SDCBP2: variants seen among roughly 807,000 people sequenced by gnomAD.
The protein encoded by SDCBP2 is syntenin-2.
In SDCBP2, 28 loss-of-function variants were observed where a neutral mutation model predicts 30.7. That is an observed-to-expected ratio of 0.91 (90% confidence interval 0.68 to 1.25). The LOEUF is 1.25. Among genes scored for constraint, SDCBP2 ranks in the 50% most tolerant of loss-of-function variants. The pLI, the probability that SDCBP2 is intolerant of heterozygous loss-of-function variation, is 0.00. For synonymous variants in SDCBP2, 166 were observed against 157.3 expected (o/e 1.06, Z -0.41); for missense variants, 399 against 379.0 (o/e 1.05, Z -0.44).
rs140879225 is a variant in SDCBP2 at position 1,312,652 on chromosome 20, C to T, written c.495G>A (p.Ser165=). The change falls in exon 6 of 9, where the codon TCG becomes TCA. Residue 165 remains serine (S), a synonymous_variant. Transcript: ENST00000360779. Reference sequence around the variant, plus strand: ...TCTTCACCACCTGATGGGCTTTGTGCGAGCTCCACCCAGCACAGTCACGCC... The same window carrying T: ...TCTTCACCACCTGATGGGCTTTGTGTGAGCTCCACCCAGCACAGTCACGCC... ...IDGRDCAGWS[S]HKAHQVVKKA... 5.2e-5 allele frequency: 84 copies of T among 1,614,012 alleles called. No homozygotes were observed. The African/African-American group carries it at 6.5e-4, about 13-fold the overall frequency.
At position 1,318,382 on chromosome 20, in the gene SDCBP2, A is replaced by G. The variant is rs1266991904; in HGVS notation, c.161T>C (p.Met54Thr). The change falls in exon 4 of 9, where the codon ATG becomes ACG. Residue 54 changes from methionine to threonine, a missense_variant. Coordinates refer to ENST00000360779, the MANE Select transcript of SDCBP2 (RefSeq NM_080489.5). ...TTCTTGGCTGGAGAGGGAAAGACCC[A>G]TATAATTTTCCAGTTCTGCCAAGTT... ...YPNLAELENY[M>T]GLSLSSQEVQ... The G allele has an allele frequency of 6.2e-7, 1 of 1,607,084 alleles. No homozygotes were observed. Among genetic ancestry groups the G allele is most frequent in the African/African-American group, 1.3e-5 (1 of 74,576 alleles).
In SDCBP2 at chr20:1,314,834, C is replaced by T. The variant is rs371997889; in HGVS notation, c.226-1336G>A. 1.2e-4 allele frequency among the ~76,000 whole-genome samples: 18 copies of T among 152,078 alleles called. No homozygotes were observed. The East Asian group carries it at 2.3e-3, about 20-fold the overall frequency. ...TACAGGAACCGTATGCTGAAAACAA[C>T]AAAATACTGATAAAAGATATCAAAG... On this transcript the variant is annotated intron_variant, in intron 4 of 8. Coordinates refer to ENST00000360779, the MANE Select transcript of SDCBP2 (RefSeq NM_080489.5).
chr20:1,313,294 C>A lies in SDCBP2; in HGVS notation c.384+46G>T. 1 of 1,574,856 alleles carries A rather than the reference C, an allele frequency of 6.3e-7. No homozygotes were observed. The highest frequency in any genetic ancestry group is 8.6e-7 in the Non-Finnish European group (1 of 1,157,202). Reference sequence around the variant, plus strand: ...TGAGCTCTGAGGCCTGGCGGGAGAGCGCGTGCAGCTCGAGCTCCTCTTCCC... The same window carrying A: ...TGAGCTCTGAGGCCTGGCGGGAGAGAGCGTGCAGCTCGAGCTCCTCTTCCC... On this transcript the variant is annotated intron_variant, in intron 5 of 8. Transcript: ENST00000360779. This position sits in a 1 kb window ranked among gnomAD's most constrained non-coding sequence, Gnocchi z 5.2.
At chr20:1,328,601 C>T (rs551982470) in intron 1 of SDCBP2, among the ~76,000 whole-genome samples, 3 of 152,266 alleles carry the variant, frequency 2.0e-5, no homozygotes, top group African/African-American at 7.2e-5. Context: ...GATGAAGAAA[C>T]CAGTTCTTAG....
intron 4 of SDCBP2, among the ~76,000 whole-genome samples, chr20:1,317,340 T>C (rs2088792447): frequency 6.6e-6 from 1 of 152,220 alleles, no homozygotes; most frequent in South Asian, 2.1e-4. Flanking sequence ...CTTTGCATCT[T>C]CCTGGGAATC....
At chr20:1,315,473 G>A (rs1600278931) in intron 4 of SDCBP2, among the ~76,000 whole-genome samples, 2 of 151,520 alleles carry the variant, frequency 1.3e-5, no homozygotes, top group South Asian at 4.2e-4. Flanking sequence ...AGGTTGCAGT[G>A]AGCCAAGATC....
Position 1,310,109 on chromosome 20 carries a change from T to A in SDCBP2, c.*332A>T. 1 of 253,232 alleles carries A rather than the reference T, an allele frequency of 3.9e-6. No individual in the cohort carries two copies. Among genetic ancestry groups the A allele is most frequent in the East Asian group, 8.7e-5 (1 of 11,554 alleles). 15.7% of individuals were successfully genotyped at this position (253,232 alleles called of 1,614,324 possible). A position where few individuals can be genotyped will look rare whatever the true frequency, so the allele number is the denominator to read the frequency against. On this transcript the variant is annotated 3_prime_UTR_variant, in exon 9 of 9. Coordinates refer to ENST00000360779, the MANE Select transcript of SDCBP2 (RefSeq NM_080489.5). ...GCTCTGTTCTCTTAAAATGTGTAACTGTTTTCCTGGTAGAGCAAAATTTCT... is the reference window on the plus strand; with the variant it reads ...GCTCTGTTCTCTTAAAATGTGTAACAGTTTTCCTGGTAGAGCAAAATTTCT...
rs1235826229 is a variant in SDCBP2 at position 1,319,640 on chromosome 20, G to C, written c.74C>G (p.Pro25Arg). Reference sequence around the variant, plus strand: ...CTGGACTGGCAGGGCTGGCATCTTGGGTGAGGCTCTGACCTGGGCCTGGGG... The same window carrying C: ...CTGGACTGGCAGGGCTGGCATCTTGCGTGAGGCTCTGACCTGGGCCTGGGG... Reference protein sequence around the residue: ...QAIQAQVRASPKMPALPVQAT... With the variant: ...QAIQAQVRASRKMPALPVQAT... Residue 25 changes from proline (P) to arginine (R), a missense_variant, in exon 3 of 9, where the codon CCC (proline) becomes CGC (arginine). By Grantham distance (103) the Pro-to-Arg change is moderately radical (BLOSUM62 -2). Transcript: ENST00000360779. The C allele has an allele frequency of 3.2e-6, 5 of 1,568,942 alleles. No individual in the cohort carries two copies. Among genetic ancestry groups the C allele is most frequent in the Non-Finnish European group, 4.3e-6 (5 of 1,156,434 alleles).
chr20:1,320,509 A>T lies in SDCBP2; in HGVS notation c.-19-74T>A. The T allele has an allele frequency of 3.4e-6, 4 of 1,187,514 alleles. No individual in the cohort carries two copies. Among genetic ancestry groups the T allele is most frequent in the Non-Finnish European group, 4.9e-6 (4 of 819,124 alleles). 73.6% of individuals were successfully genotyped at this position (1,187,514 alleles called of 1,614,324 possible). ...CTTGAAAGGAGGCACAGACATCCGC[A>T]ACAGCAAGCGGGTTGGAACTTAATA... On this transcript the variant is annotated intron_variant, in intron 1 of 8. Coordinates refer to ENST00000360779, the MANE Select transcript of SDCBP2 (RefSeq NM_080489.5). The surrounding 1 kb of genome is among the most constrained non-coding windows in gnomAD (Gnocchi z 4.7).
At chr20:1,312,094 G>A (rs551144790) in intron 7 of SDCBP2, among the ~76,000 whole-genome samples, 2 of 141,934 alleles carry the variant, frequency 1.4e-5, no homozygotes, top group African/African-American at 5.3e-5. Context: ...TGGAAAGAGG[G>A]TTTCACATTG....
Position 1,313,575 on chromosome 20 carries a change from G to T in SDCBP2, c.226-77C>A. ...CTCAGGAGACACTGGGGTGGGGGTAGGGATGGGGAAAGGAGGATGGAGCCG... is the reference window on the plus strand; with the variant it reads ...CTCAGGAGACACTGGGGTGGGGGTATGGATGGGGAAAGGAGGATGGAGCCG... On this transcript the variant is annotated intron_variant, in intron 4 of 8. Coordinates refer to ENST00000360779, the MANE Select transcript of SDCBP2 (RefSeq NM_080489.5). The surrounding 1 kb of genome is among the most constrained non-coding windows in gnomAD (Gnocchi z 5.2). The T allele has an allele frequency of 6.8e-7, 1 of 1,468,992 alleles. No homozygotes were observed. The highest frequency in any genetic ancestry group is 1.3e-5 in the South Asian group (1 of 74,102). 91.0% of individuals were successfully genotyped at this position (1,468,992 alleles called of 1,614,324 possible). A position where few individuals can be genotyped will look rare whatever the true frequency, so the allele number is the denominator to read the frequency against.
intron 1 of SDCBP2, among the ~76,000 whole-genome samples, chr20:1,327,114 A>G (rs991241092): frequency 6.6e-6 from 1 of 152,202 alleles, no homozygotes; most frequent in African/African-American, 2.4e-5. Flanking sequence ...TTCCTCCGAA[A>G]GGAAAAGAAC....
At chr20:1,315,872 A>C (rs1430077904) in intron 4 of SDCBP2, among the ~76,000 whole-genome samples, 1 of 152,184 alleles carries the variant, frequency 6.6e-6, no homozygotes, top group Admixed American at 6.5e-5. Flanking sequence ...GAACTCCCAA[A>C]ACACTACAGA....
intron 3 of SDCBP2, among the ~76,000 whole-genome samples, chr20:1,318,807 G>A (rs779570442): frequency 2.6e-4 from 40 of 152,120 alleles, no homozygotes; most frequent in African/African-American, 8.9e-4. Flanking sequence ...TATCTCTCTC[G>A]TGTTCTCGTT....
At chr20:1,319,136 G>A (rs909632298) in intron 3 of SDCBP2, among the ~76,000 whole-genome samples, 4 of 152,218 alleles carry the variant, frequency 2.6e-5, no homozygotes, top group African/African-American at 9.6e-5. Flanking sequence ...TTCCAGCAAG[G>A]AAGTCTGACA....
At chr20:1,327,111 G>A (rs959999221) in intron 1 of SDCBP2, among the ~76,000 whole-genome samples, 1 of 152,086 alleles carries the variant, frequency 6.6e-6, no homozygotes, top group Non-Finnish European at 1.5e-5. Context: ...TGGTTCCTCC[G>A]AAAGGAAAAG....
Position 1,312,379 on chromosome 20 carries a change from G to C in SDCBP2, c.690C>G (p.His230Gln), listed in dbSNP as rs1239458503. 5.6e-6 allele frequency: 9 copies of C among 1,613,620 alleles called. No individual in the cohort carries two copies. The highest frequency in any genetic ancestry group is 1.7e-6 in the Non-Finnish European group (2 of 1,179,816). Reference sequence around the variant, plus strand: ...TCTGCCCGTCCACCTCACACACGTAGTGGTTGGTGAGGAGCCCGTTGCGGG... The same window carrying C: ...TCTGCCCGTCCACCTCACACACGTACTGGTTGGTGAGGAGCCCGTTGCGGG... ...SAARNGLLTN[H>Q]YVCEVDGQNV... The change falls in exon 7 of 9, where the codon CAC (histidine) becomes CAG (glutamine). Residue 230 changes from histidine to glutamine, a missense_variant. By Grantham distance (24) the His-to-Gln change is conservative. Transcript: ENST00000360779.
In SDCBP2 at chr20:1,313,763, A is replaced by G; in HGVS notation, c.226-265T>C. 1.2e-6 allele frequency: 1 copy of G among 818,506 alleles called. No homozygotes were observed. Among genetic ancestry groups the G allele is most frequent in the Non-Finnish European group, 1.6e-6 (1 of 608,534 alleles). The allele number at this position is 818,506 out of a possible 1,614,324, so 50.7% of individuals were successfully genotyped here. A position where few individuals can be genotyped will look rare whatever the true frequency, so the allele number is the denominator to read the frequency against. On this transcript the variant is annotated intron_variant, in intron 4 of 8. Coordinates refer to ENST00000360779, the MANE Select transcript of SDCBP2 (RefSeq NM_080489.5). The surrounding 1 kb of genome is among the most constrained non-coding windows in gnomAD (Gnocchi z 5.2). ...TACAGGAAGAGGCCCTTCATTTCCC[A>G]AGGGAAACTGGCATCAGGAAAAGCC...
chr20:1,328,327 T>G (rs1284097198), intron 1 of SDCBP2, among the ~76,000 whole-genome samples: 1 of 152,122 alleles, frequency 6.6e-6, no homozygotes, highest in African/African-American at 2.4e-5. Flanking sequence ...AGGGTTATTT[T>G]GACAGGCCTC....
Sources: gnomAD v4.1 joint callset for allele counts (sites outside exome capture counted in the v4.1 genomes callset) on GRCh38, gnomAD v4.1.1 for gene constraint, Gnocchi (gnomAD v3.1) non-coding constraint, MANE v1.5 for transcripts, NCBI Gene and HGNC (gene_info 2026-07-23, HGNC 2026-07-21) for gene names.